ZFAT: variants seen among roughly 807,000 people sequenced by gnomAD.
The protein encoded by ZFAT is zinc finger and AT-hook domain containing.
In ZFAT, 64 loss-of-function variants were observed where a neutral mutation model predicts 117.7. The observed-to-expected ratio is 0.54, with a 90% CI of 0.44 to 0.67. The LOEUF is 0.67. ZFAT is among the 30% of genes least tolerant of loss of function. The pLI is 0.00. For synonymous variants in ZFAT, 679 were observed against 615.0 expected (o/e 1.10, Z -1.54); for missense variants, 1,433 against 1,584.5 (o/e 0.90, Z 1.62).
At chr8:134,724,197 T>C in the ZFAT span, among the ~76,000 whole-genome samples, 1 of 152,136 alleles carries the variant, frequency 6.6e-6, no homozygotes, top group Admixed American at 6.5e-5. Context: ...TGTGCATTGG[T>C]CACCATCTTG....
At chr8:134,533,749 C>T (rs1821607636) in intron 11 of ZFAT, among the ~76,000 whole-genome samples, 1 of 152,218 alleles carries the variant, frequency 6.6e-6, no homozygotes, top group South Asian at 2.1e-4. Flanking sequence ...TGCCTTTCCT[C>T]TTGCACAATG....
the ZFAT span, among the ~76,000 whole-genome samples, chr8:134,823,445 T>C: frequency 6.6e-5 from 10 of 152,320 alleles, no homozygotes; most frequent in African/African-American, 2.2e-4. Flanking sequence ...TTTAAGTGCT[T>C]ATATACATTA....
intron 11 of ZFAT, among the ~76,000 whole-genome samples, chr8:134,541,677 T>C (rs1822266302): frequency 6.6e-6 from 1 of 152,130 alleles, no homozygotes; most frequent in South Asian, 2.1e-4. Flanking sequence ...GAATGGAGAA[T>C]ACCAGTGTCT....
At chr8:134,804,995 C>T in the ZFAT span, 2 of 510,002 alleles carry the variant, frequency 3.9e-6, no homozygotes, top group Non-Finnish European at 8.1e-6. Flanking sequence ...TAAATGTTGC[C>T]AGTCATCATC....
chr8:134,610,587 G>A lies in ZFAT; in HGVS notation c.517C>T (p.Pro173Ser). The A allele has an allele frequency of 6.2e-7, 1 of 1,614,152 alleles. No individual in the cohort carries two copies. ...ACTTTCTCTGTTTTCTGTGACCGTG[G>A]TCTTTTCGAGGCTTTTTCCCGATCA... is the stretch of plus-strand genomic sequence containing the variant. Reference protein sequence around the residue: ...EDDREKASKRPRSQKTEKVQK... With the variant: ...EDDREKASKRSRSQKTEKVQK... The change falls in exon 4 of 16, where the codon CCA becomes TCA. Residue 173 changes from proline (P) to serine (S), a missense_variant. This residue lies in a region of ZFAT where 436 missense variants were observed against 482.0 expected (regional missense o/e 0.90). Transcript: ENST00000377838.
At chr8:134,695,700 C>T (rs557712891) in intron 1 of ZFAT, among the ~76,000 whole-genome samples, 18 of 150,234 alleles carry the variant, frequency 1.2e-4, no homozygotes, top group Non-Finnish European at 2.4e-4. Flanking sequence ...GCCCAGGCAG[C>T]ATCTCTAACC....
At chr8:134,489,789 T>C (rs1235683177) in intron 15 of ZFAT, among the ~76,000 whole-genome samples, 1 of 152,176 alleles carries the variant, frequency 6.6e-6, no homozygotes, top group East Asian at 1.9e-4. Context: ...TATTTCCTAC[T>C]AGACATATCC....
chr8:134,632,109 A>G (rs1187929490), intron 3 of ZFAT, among the ~76,000 whole-genome samples: 1 of 152,020 alleles, frequency 6.6e-6, no homozygotes, highest in African/African-American at 2.4e-5. Context: ...CTTATACTGA[A>G]ATTTCTTCCA....
the ZFAT span, among the ~76,000 whole-genome samples, chr8:134,747,439 AAATCTTATATAGATTATT>A: frequency 8.9e-4 from 135 of 152,288 alleles, no homozygotes; most frequent in Non-Finnish European, 1.6e-3. Context: ...ATCCTTTCTG[AAATCTTATATAGATTATT>A]AATTGGCTTA....
chr8:134,800,867 T>G, the ZFAT span, among the ~76,000 whole-genome samples: 1 of 152,082 alleles, frequency 6.6e-6, no homozygotes, highest in African/African-American at 2.4e-5. Context: ...TTAATAAAAT[T>G]TTTTTTAGAG....
At chr8:134,743,963 G>T in the ZFAT span, among the ~76,000 whole-genome samples, 3 of 152,332 alleles carry the variant, frequency 2.0e-5, no homozygotes, top group African/African-American at 7.2e-5. Context: ...GACAAGGACA[G>T]GCCAAACAGG....
chr8:134,758,340 C>CAAAAA, the ZFAT span, among the ~76,000 whole-genome samples: 3 of 152,058 alleles, frequency 2.0e-5, no homozygotes, highest in African/African-American at 7.2e-5. Flanking sequence ...CAAAACAAAA[C>CAAAAA]AAAACAGTCA....
At chr8:134,742,287 T>C in the ZFAT span, among the ~76,000 whole-genome samples, 1 of 152,156 alleles carries the variant, frequency 6.6e-6, no homozygotes, top group Non-Finnish European at 1.5e-5. Context: ...CTAGGTTATA[T>C]CAAGCTTTAT....
chr8:134,624,618 T>C (rs904277657), intron 3 of ZFAT, among the ~76,000 whole-genome samples: 3 of 152,074 alleles, frequency 2.0e-5, no homozygotes, highest in South Asian at 2.1e-4. Flanking sequence ...GGTCGCACCA[T>C]TGCATTCCAG....
chr8:134,499,904 A>C (rs1174007216), intron 15 of ZFAT, among the ~76,000 whole-genome samples: 1 of 152,220 alleles, frequency 6.6e-6, no homozygotes, highest in African/African-American at 2.4e-5. Context: ...AGCTGGGGAC[A>C]CCAGATGGAT....
At chr8:134,548,339 G>A (rs563326871) in intron 11 of ZFAT, among the ~76,000 whole-genome samples, 10 of 152,288 alleles carry the variant, frequency 6.6e-5, no homozygotes, top group Admixed American at 2.6e-4. Context: ...GAGAAGCCCC[G>A]TGTGGCTACC....
intron 15 of ZFAT, among the ~76,000 whole-genome samples, chr8:134,495,696 A>C (rs1818384068): frequency 1.3e-5 from 2 of 152,222 alleles, no homozygotes; most frequent in Admixed American, 1.3e-4. Context: ...TCAGGAGGCC[A>C]AGGTGGGCAG....
intron 11 of ZFAT, among the ~76,000 whole-genome samples, chr8:134,534,769 G>A (rs1252300533): frequency 1.4e-5 from 1 of 69,076 alleles, no homozygotes; most frequent in Non-Finnish European, 3.0e-5. Context: ...GAGGGAGAGA[G>A]GGAGAAAGAG....
At chr8:134,819,476 T>A in the ZFAT span, among the ~76,000 whole-genome samples, 1 of 141,560 alleles carries the variant, frequency 7.1e-6, no homozygotes, top group Non-Finnish European at 1.5e-5. Context: ...TGAAACGCCA[T>A]GAGAACTGCC....
Sources: gnomAD v4.1 joint callset for allele counts (sites outside exome capture counted in the v4.1 genomes callset) on GRCh38, gnomAD v4.1.1 for gene constraint, gnomAD v4.1.1 regional missense constraint, MANE v1.5 for transcripts, NCBI Gene and HGNC (gene_info 2026-07-23, HGNC 2026-07-21) for gene names.